Variants in ZNF785 observed in about 807,000 individuals in gnomAD.
The protein encoded by ZNF785 is zinc finger protein 785.
Under a neutral mutation model 11.3 loss-of-function variants are expected in ZNF785, and 15 were observed. The ratio of observed to expected loss-of-function variants is 1.32; its 90% CI spans 0.89 to 2.04. ZNF785 has a LOEUF of 2.04. ZNF785 is among the 30% of genes most tolerant of loss of function. The pLI is 0.00. For synonymous variants in ZNF785, 221 were observed against 231.0 expected (o/e 0.96, Z 0.39); for missense variants, 572 against 560.9 (o/e 1.02, Z -0.20).
In ZNF785 at chr16:30,582,981, G is replaced by A. The variant is rs765862826; in HGVS notation, c.797C>T (p.Thr266Ile). 1.2e-6 allele frequency: 2 copies of A among 1,614,034 alleles called. No individual in the cohort carries two copies. The highest frequency in any genetic ancestry group is 8.5e-7 in the Non-Finnish European group (1 of 1,179,978). ...YACSDCKSRF[T>I]YPYLLAIHQR... is the part of the protein sequence containing the mutation. Reference sequence around the variant, plus strand: ...GTGGATGGCCAGCAGGTAGGGGTAAGTGAAGCGACTCTTGCAGTCTGAGCA... The same window carrying A: ...GTGGATGGCCAGCAGGTAGGGGTAAATGAAGCGACTCTTGCAGTCTGAGCA... The change falls in exon 3 of 3, where the codon ACT becomes ATT. Residue 266 changes from threonine to isoleucine, a missense_variant. Transcript: ENST00000395216.
downstream of ZNF785, chr16:30,579,981 G>A (rs1179689956): frequency 8.7e-5 from 34 of 390,026 alleles, no homozygotes; most frequent in East Asian, 1.5e-4. Flanking sequence ...TCCGCCTCCC[G>A]GGTTCATGCC....
rs1435731861 is a variant in ZNF785 at position 30,585,490 on chromosome 16, T to C, written c.122A>G (p.Glu41Gly). The C allele has an allele frequency of 3.7e-6, 6 of 1,602,684 alleles. No individual in the cohort carries two copies. The Admixed American group carries it at 8.6e-5, about 23-fold the overall frequency. Residue 41 changes from glutamate (E) to glycine (G), a missense_variant, in exon 1 of 3, where the codon GAG (glutamate) becomes GGG (glycine). Glu to Gly is a moderately conservative substitution (Grantham distance 98). Coordinates refer to ENST00000395216, the MANE Select transcript of ZNF785 (RefSeq NM_152458.7). This position sits in a 1 kb window ranked among gnomAD's most constrained non-coding sequence, Gnocchi z 4.0. Reference protein sequence around the residue: ...FADVAVYFSPEEWECLRPAQR... With the variant: ...FADVAVYFSPGEWECLRPAQR... ...CGCTGGCCGCAGGCATTCCCACTCC[T>C]CGGGAGAGAAGTACACGGCCACGTC...
chr16:30,583,248 C>G lies in ZNF785; in HGVS notation c.530G>C (p.Cys177Ser), dbSNP rs2051845620. ...GGAAGGGTAGCTGAAGTTGCGGCCACAGTCTGGGCAAGAGTGGGGCAGTCT... is the reference window on the plus strand; with the variant it reads ...GGAAGGGTAGCTGAAGTTGCGGCCAGAGTCTGGGCAAGAGTGGGGCAGTCT... The part of the protein sequence containing the change: ...TRRLPHSCPD[C>S]GRNFSYPSLL... Residue 177 changes from cysteine (C) to serine (S), a missense_variant, in exon 3 of 3, where the codon TGT (cysteine) becomes TCT (serine). Transcript: ENST00000395216. 1.2e-6 allele frequency: 2 copies of G among 1,613,614 alleles called. No individual in the cohort carries two copies. The highest frequency in any genetic ancestry group is 1.7e-5 in the Admixed American group (1 of 59,986).
In ZNF785 at chr16:30,580,789, A is replaced by G. The variant is rs74249949; in HGVS notation, c.*1771T>C. The G allele has an allele frequency of 0.14, 21,514 of 151,664 alleles. 2,429 individuals are homozygous for G. Among genetic ancestry groups the G allele is most frequent in the South Asian group, 0.61 (2,924 of 4,812 alleles). 9.4% of individuals were successfully genotyped at this position (151,664 alleles called of 1,614,324 possible). ...ACTGCTAGGATTACAGGCGTGAGCC[A>G]CCGCGCCTGGCCTTCATAACTGTTG... is the stretch of plus-strand genomic sequence containing the variant. On this transcript the variant is annotated 3_prime_UTR_variant, in exon 3 of 3. Coordinates refer to ENST00000395216, the MANE Select transcript of ZNF785 (RefSeq NM_152458.7).
chr16:30,582,211 T>TA lies in ZNF785; in HGVS notation c.*348dup, dbSNP rs1464240733. The TA allele has an allele frequency of 3.5e-6, 1 of 282,928 alleles. No homozygotes were observed. 17.5% of individuals were successfully genotyped at this position (282,928 alleles called of 1,614,324 possible). ...GGCTCCTTTAATAGGCACTGGAATG[T>TA]AGGGGACCCCATCTCAGAGGAGTAG... is the stretch of plus-strand genomic sequence containing the variant. On this transcript the variant is annotated 3_prime_UTR_variant, in exon 3 of 3. Coordinates refer to ENST00000395216, the MANE Select transcript of ZNF785 (RefSeq NM_152458.7).
Position 30,585,342 on chromosome 16 carries a change from T to G in ZNF785, c.205+65A>C. The G allele has an allele frequency of 6.3e-7, 1 of 1,577,014 alleles. No individual in the cohort carries two copies. Among genetic ancestry groups the G allele is most frequent in the Non-Finnish European group, 8.6e-7 (1 of 1,164,028 alleles). On this transcript the variant is annotated intron_variant, in intron 1 of 2. Coordinates refer to ENST00000395216, the MANE Select transcript of ZNF785 (RefSeq NM_152458.7). This position sits in a 1 kb window ranked among gnomAD's most constrained non-coding sequence, Gnocchi z 4.0. Reference sequence around the variant, plus strand: ...GCCCCGCTTCCAGCCCACTAGCCTCTGGGGACACCGATCACCGCTTCCCAC... The same window carrying G: ...GCCCCGCTTCCAGCCCACTAGCCTCGGGGGACACCGATCACCGCTTCCCAC...
In ZNF785 at chr16:30,585,205, TCTC is replaced by T. The variant is rs779989446; in HGVS notation, c.248_250del (p.Gly83del). The T allele has an allele frequency of 5.3e-5, 85 of 1,613,964 alleles. 1 individual carries two copies. In the Middle Eastern group the frequency reaches 3.5e-3, roughly 66 times the overall value. ...GGCCTCCGGGCTCCACGCCTCCACT[TCTC>T]CTTCCACCCACGAGATAAAAGCGGG... is the stretch of plus-strand genomic sequence containing the variant. On this transcript the variant is annotated inframe_deletion, in exon 2 of 3. Transcript: ENST00000395216. The surrounding 1 kb of genome is among the most constrained non-coding windows in gnomAD (Gnocchi z 4.0).
At chr16:30,578,569 G>GC (rs2051768804), downstream of ZNF785, 1 of 152,232 alleles carries the variant, frequency 6.6e-6, no homozygotes. Context: ...TGTTGCCCAG[G>GC]CTGGAGTGCA....
At chr16:30,584,357 G>A (rs2051860875) in intron 2 of ZNF785, among the ~76,000 whole-genome samples, 1 of 151,734 alleles carries the variant, frequency 6.6e-6, no homozygotes, top group South Asian at 2.1e-4. Flanking sequence ...TCACCAAAAA[G>A]TCTACACTTG....
rs779898925 is a variant in ZNF785, at chr16:30,585,168, G to A, written c.288C>T (p.Asp96=). ...EAWSPEAQDP[D]GESSAAFSRG... ...TGCTGAAAGCTGCAGAGCTCTCACC[G>A]TCGGGATCCTGGGCCTCCGGGCTCC... The change falls in exon 2 of 3, where the codon GAC becomes GAT. Residue 96 remains aspartate (D), a synonymous_variant. Coordinates refer to ENST00000395216, the MANE Select transcript of ZNF785 (RefSeq NM_152458.7). The surrounding 1 kb of genome is among the most constrained non-coding windows in gnomAD (Gnocchi z 4.0). 7 of 1,614,056 alleles carry A rather than the reference G, an allele frequency of 4.3e-6. No individual in the cohort carries two copies. The highest frequency in any genetic ancestry group is 5.9e-6 in the Non-Finnish European group (7 of 1,179,934).
rs2051821224 is a variant in ZNF785 at position 30,582,337 on chromosome 16, C to T, written c.*223G>A. The T allele has an allele frequency of 1.6e-6, 1 of 612,140 alleles. No homozygotes were observed. 37.9% of individuals were successfully genotyped at this position (612,140 alleles called of 1,614,324 possible). A position where few individuals can be genotyped will look rare whatever the true frequency, so the allele number is the denominator to read the frequency against. ...TTTTCAGTGAAGGATGGGACGTGAACACGGGGCCCTGTGTGCTGGAGCTTC... is the reference window on the plus strand; with the variant it reads ...TTTTCAGTGAAGGATGGGACGTGAATACGGGGCCCTGTGTGCTGGAGCTTC... On this transcript the variant is annotated 3_prime_UTR_variant, in exon 3 of 3. Coordinates refer to ENST00000395216, the MANE Select transcript of ZNF785 (RefSeq NM_152458.7).
rs754944783 is a variant in ZNF785, at chr16:30,585,173, G to C, written c.283C>G (p.Pro95Ala). Residue 95 changes from proline (P) to alanine (A), a missense_variant, in exon 2 of 3, where the codon CCC (proline) becomes GCC (alanine). Physicochemically the swap from Pro to Ala is conservative, Grantham distance 27 (BLOSUM62 -1). Coordinates refer to ENST00000395216, the MANE Select transcript of ZNF785 (RefSeq NM_152458.7). This position sits in a 1 kb window ranked among gnomAD's most constrained non-coding sequence, Gnocchi z 4.0. ...VEAWSPEAQD[P>A]DGESSAAFSR... Reference sequence around the variant, plus strand: ...AAAGCTGCAGAGCTCTCACCGTCGGGATCCTGGGCCTCCGGGCTCCACGCC... The same window carrying C: ...AAAGCTGCAGAGCTCTCACCGTCGGCATCCTGGGCCTCCGGGCTCCACGCC... The C allele has an allele frequency of 6.2e-7, 1 of 1,614,120 alleles. No homozygotes were observed. Among genetic ancestry groups the C allele is most frequent in the South Asian group, 1.1e-5 (1 of 91,070 alleles).
intron 2 of ZNF785, among the ~76,000 whole-genome samples, chr16:30,584,470 T>C (rs928858659): frequency 9.9e-5 from 15 of 152,016 alleles, no homozygotes; most frequent in African/African-American, 3.6e-4. Flanking sequence ...GCCAAGATGG[T>C]GAAAGCCCGT....
chr16:30,579,561 G>T (rs139818684), downstream of ZNF785: 1,981 of 282,310 alleles, frequency 7.0e-3, 35 homozygotes, highest in African/African-American at 0.039. Context: ...CTAATTTTTT[G>T]GTAGAGATGG....
rs762893121 is a variant in ZNF785 at position 30,585,321 on chromosome 16, C to T, written c.206-71G>A. ...GAATGAGACTGCTCCCTCGGCGCCC[C>T]GCTTCCAGCCCACTAGCCTCTGGGG... On this transcript the variant is annotated intron_variant, in intron 1 of 2. Coordinates refer to ENST00000395216, the MANE Select transcript of ZNF785 (RefSeq NM_152458.7). The surrounding 1 kb of genome is among the most constrained non-coding windows in gnomAD (Gnocchi z 4.0). 1 of 1,583,668 alleles carries T rather than the reference C, an allele frequency of 6.3e-7. No individual in the cohort carries two copies. Among genetic ancestry groups the T allele is most frequent in the Admixed American group, 1.8e-5 (1 of 56,294 alleles).
At chr16:30,583,591 G>C (rs1465549037) in intron 2 of ZNF785, 148 bp from the exon 3 acceptor site, 10 of 1,040,652 alleles carry the variant, frequency 9.6e-6, no homozygotes, top group Non-Finnish European at 1.4e-5. Context: ...CAGGGAGCAC[G>C]GCTTAATGAT....
chr16:30,578,666 G>A (rs1022025287), downstream of ZNF785: 2 of 152,168 alleles, frequency 1.3e-5, no homozygotes, highest in Non-Finnish European at 2.9e-5. Context: ...TGTGATTACA[G>A]GCATGTGCCA....
chr16:30,580,186 C>CT (rs35143221), downstream of ZNF785, among the ~76,000 whole-genome samples: 15,277 of 92,522 alleles, frequency 0.17, 2,591 homozygotes, highest in African/African-American at 0.39. Context: ...CACACCAGGC[C>CT]TTTTTTTTTT....
rs369314041 is a variant in ZNF785, at chr16:30,585,283, G to C, written c.206-33C>G. ...GGAGAAACAATGGGCTCGGCTGAGCGCACGGGAGGGGAGAATGAGACTGCT... is the reference window on the plus strand; with the variant it reads ...GGAGAAACAATGGGCTCGGCTGAGCCCACGGGAGGGGAGAATGAGACTGCT... On this transcript the variant is annotated intron_variant, in intron 1 of 2. Coordinates refer to ENST00000395216, the MANE Select transcript of ZNF785 (RefSeq NM_152458.7). This position sits in a 1 kb window ranked among gnomAD's most constrained non-coding sequence, Gnocchi z 4.0. The C allele has an allele frequency of 3.7e-6, 6 of 1,610,526 alleles. No homozygotes were observed. The African/African-American group carries it at 8.0e-5, about 21-fold the overall frequency.
Sources: gnomAD v4.1 joint callset for allele counts (sites outside exome capture counted in the v4.1 genomes callset) on GRCh38, gnomAD v4.1.1 for gene constraint, Gnocchi (gnomAD v3.1) non-coding constraint, MANE v1.5 for transcripts, NCBI Gene and HGNC (gene_info 2026-07-23, HGNC 2026-07-21) for gene names.